UPP2: variants seen among roughly 807,000 people sequenced by gnomAD.
UPP2 encodes UPase 2.
A neutral mutation model predicts 26.7 loss-of-function variants in UPP2; 23 were observed. That is an observed-to-expected ratio of 0.86 (90% CI 0.62 to 1.22). The LOEUF is 1.22. Among genes scored for constraint, UPP2 ranks in the 50% most tolerant of loss-of-function variants. UPP2 has a pLI of 0.00. For synonymous variants in UPP2, 127 were observed against 141.3 expected (o/e 0.90, Z 0.72); for missense variants, 387 against 396.7 (o/e 0.98, Z 0.21).
intron 2 of UPP2, among the ~76,000 whole-genome samples, chr2:158,011,367 T>A (rs1040261266): frequency 3.3e-5 from 5 of 152,254 alleles, no homozygotes; most frequent in Non-Finnish European, 5.9e-5. Flanking sequence ...GTTTTGCTCA[T>A]TGTCTTTTTC....
chr2:158,026,620 G>A (rs1424076472), intron 3 of UPP2, among the ~76,000 whole-genome samples: 2 of 152,142 alleles, frequency 1.3e-5, no homozygotes, highest in Non-Finnish European at 2.9e-5. Context: ...GACATTACCT[G>A]TGGCTCCAGG....
At chr2:158,072,052 C>G (rs1174890433) in intron 3 of UPP2, among the ~76,000 whole-genome samples, 4 of 152,144 alleles carry the variant, frequency 2.6e-5, no homozygotes, top group African/African-American at 9.7e-5. Context: ...GGCCTTGGTT[C>G]TTGGACAGCT....
chr2:158,023,075 G>A (rs1683777682), intron 3 of UPP2, among the ~76,000 whole-genome samples: 1 of 150,058 alleles, frequency 6.7e-6, no homozygotes, highest in East Asian at 2.0e-4. Flanking sequence ...CAAGATGAAT[G>A]CTAGAGCAGG....
At chr2:158,042,096 C>A (rs574475482) in intron 3 of UPP2, among the ~76,000 whole-genome samples, 1 of 152,214 alleles carries the variant, frequency 6.6e-6, no homozygotes, top group African/African-American at 2.4e-5. Context: ...CTTTGCAGAC[C>A]AGGGGCCAGG....
intron 3 of UPP2, among the ~76,000 whole-genome samples, chr2:158,090,677 G>C (rs181683188): frequency 6.6e-6 from 1 of 152,016 alleles, no homozygotes; most frequent in Admixed American, 6.6e-5. Context: ...GCACGGCCAC[G>C]GACCCACATG....
intron 5 of UPP2, among the ~76,000 whole-genome samples, chr2:158,122,944 GA>G (rs1683602385): frequency 6.6e-6 from 1 of 152,124 alleles, no homozygotes; most frequent in Non-Finnish European, 1.5e-5. Context: ...AAAGTAGCGT[GA>G]AAGAGATAGA....
chr2:158,005,719 G>C (rs74633164), intron 2 of UPP2, among the ~76,000 whole-genome samples: 1,832 of 152,276 alleles, frequency 0.012, 46 homozygotes, highest in African/African-American at 0.041. Flanking sequence ...TTTACTAAGT[G>C]CCAATGGAAT....
At chr2:158,083,060 A>G (rs151178854) in intron 3 of UPP2, among the ~76,000 whole-genome samples, 11,427 of 152,262 alleles carry the variant, frequency 0.075, 743 homozygotes, top group African/African-American at 0.16. Flanking sequence ...GAAACAACAG[A>G]TGCTGGAGAG....
chr2:158,112,797 A>G (rs1431180824), intron 2 of UPP2, among the ~76,000 whole-genome samples: 1 of 152,238 alleles, frequency 6.6e-6, no homozygotes, highest in Admixed American at 6.5e-5. Flanking sequence ...ACAACATGGC[A>G]TAGTTAAGCC....
upstream of UPP2, among the ~76,000 whole-genome samples, chr2:158,098,760 C>G (rs1358888814): frequency 6.6e-6 from 1 of 152,164 alleles, no homozygotes; most frequent in African/African-American, 2.4e-5. Flanking sequence ...AAACCAAAGA[C>G]AGAGATGCTG....
chr2:158,093,016 G>A (rs1461855443), intron 3 of UPP2, among the ~76,000 whole-genome samples: 1 of 152,092 alleles, frequency 6.6e-6, no homozygotes, highest in Non-Finnish European at 1.5e-5. Flanking sequence ...CGCCTCCCGG[G>A]TTCAAGTGAT....
chr2:158,118,020 A>G, intron 4 of UPP2, 82 bp downstream of exon 4: 3 of 1,214,516 alleles, frequency 2.5e-6, no homozygotes, highest in Non-Finnish European at 3.6e-6. Context: ...TCCTATTCAG[A>G]GCCCAGCAAA....
chr2:158,110,787 G>A (rs1425275625), intron 2 of UPP2, among the ~76,000 whole-genome samples: 1 of 152,074 alleles, frequency 6.6e-6, no homozygotes, highest in Non-Finnish European at 1.5e-5. Context: ...ATTTTTTCAT[G>A]TGTTTTTTGG....
chr2:158,108,595 GCA>G (rs1017171165), intron 2 of UPP2, among the ~76,000 whole-genome samples: 1 of 150,408 alleles, frequency 6.6e-6, no homozygotes, highest in Non-Finnish European at 1.5e-5. Flanking sequence ...TCTCACACAC[GCA>G]CACACACAGA....
intron 3 of UPP2, among the ~76,000 whole-genome samples, chr2:158,063,868 T>C (rs1682393046): frequency 6.6e-6 from 1 of 152,218 alleles, no homozygotes; most frequent in Non-Finnish European, 1.5e-5. Context: ...GTTCTTGTGA[T>C]AGTTTGCTGA....
chr2:158,010,125 GTATTTTGGTT>G (rs1683552842), intron 2 of UPP2, among the ~76,000 whole-genome samples: 2 of 152,186 alleles, frequency 1.3e-5, no homozygotes, highest in African/African-American at 4.8e-5. Context: ...ATTAATGCAT[GTATTTTGGTT>G]TTATGTTATG....
At chr2:158,076,178 C>A (rs544560810) in intron 3 of UPP2, among the ~76,000 whole-genome samples, 5 of 151,744 alleles carry the variant, frequency 3.3e-5, no homozygotes, top group Non-Finnish European at 7.4e-5. Context: ...AGTTGTAATA[C>A]AAATTATCCC....
intron 3 of UPP2, among the ~76,000 whole-genome samples, chr2:158,072,556 C>T (rs1400386597): frequency 6.6e-6 from 1 of 152,104 alleles, no homozygotes; most frequent in South Asian, 2.1e-4. Flanking sequence ...CAGGTCCAAC[C>T]CAGCACCGTC....
At chr2:158,028,598 T>C (rs1392533924) in intron 3 of UPP2, among the ~76,000 whole-genome samples, 1 of 152,208 alleles carries the variant, frequency 6.6e-6, no homozygotes, top group Admixed American at 6.5e-5. Context: ...AGTTCCAAAG[T>C]TGCTTCCACA....
Sources: allele counts gnomAD v4.1 joint callset (sites outside exome capture counted in the v4.1 genomes callset), GRCh38; gene constraint gnomAD v4.1.1; transcripts MANE v1.5; gene names NCBI Gene and HGNC (gene_info 2026-07-23, HGNC 2026-07-21).